The following INF2 variants were observed in gnomAD, a reference collection of about 807,000 sequenced individuals.
INF2 encodes the protein inverted formin-2.
A neutral mutation model predicts 123.5 loss-of-function variants in INF2; 43 were observed. The ratio of observed to expected loss-of-function variants is 0.35; its 90% confidence interval spans 0.27 to 0.45. The LOEUF is 0.45. Ranked by LOEUF, INF2 falls within the 20% of genes least tolerant of loss-of-function variation. The pLI is 1.00. For missense variants in INF2, 1,453 were observed against 1,682.7 expected (o/e 0.86, Z 2.39); for synonymous variants, 851 against 745.0 (o/e 1.14, Z -2.32).
chr14:104,706,126 G>C lies in INF2; in HGVS notation c.793G>C (p.Gly265Arg). 6.2e-7 allele frequency: 1 copy of C among 1,609,660 alleles called. No individual in the cohort carries two copies. Among genetic ancestry groups the C allele is most frequent in the Non-Finnish European group, 8.5e-7 (1 of 1,178,596 alleles). The change falls in exon 6 of 23, where the codon GGG becomes CGG. Residue 265 changes from glycine (G) to arginine (R), a missense_variant. Gly to Arg is a moderately radical substitution (Grantham distance 125, BLOSUM62 -2). Coordinates refer to ENST00000392634, the MANE Select transcript of INF2 (RefSeq NM_022489.4). ...GGAGGAGCTGCTGCGAGTCTCTGGC[G>C]GGGTCGACATGAGCAGCCACCAGGA... The part of the protein sequence containing the change: ...DEEELLRVSG[G>R]VDMSSHQEVF...
chr14:104,709,718 G>T lies in INF2; in HGVS notation c.2138+13G>T, dbSNP rs758122662. 1.2e-6 allele frequency: 2 copies of T among 1,608,824 alleles called. No homozygotes were observed. Among genetic ancestry groups the T allele is most frequent in the Middle Eastern group, 1.7e-4 (1 of 6,052 alleles). ...TGGCCATTCCCTGGTGAGCATGGCC[G>T]CCCTCAGACCCCAGGGCCTGGGCCC... On this transcript the variant is annotated intron_variant, in intron 12 of 22. Coordinates refer to ENST00000392634, the MANE Select transcript of INF2 (RefSeq NM_022489.4).
Position 104,711,041 on chromosome 14 carries a change from G to A in INF2, c.2310+34G>A, listed in dbSNP as rs367918228. ...GGGGCAGCTCCCCATCCCACCTGGT[G>A]CCAGGGGCTGGTGAGACTCACTCCC... On this transcript the variant is annotated intron_variant, in intron 14 of 22. Coordinates refer to ENST00000392634, the MANE Select transcript of INF2 (RefSeq NM_022489.4). 128 of 1,609,602 alleles carry A rather than the reference G, an allele frequency of 8.0e-5. No individual in the cohort carries two copies. In the African/African-American group the frequency reaches 1.6e-3, roughly 20 times the overall value.
chr14:104,698,631 T>C (rs1031697378), intron 1 of INF2, among the ~76,000 whole-genome samples: 8 of 152,210 alleles, frequency 5.3e-5, no homozygotes, highest in Admixed American at 4.6e-4. Flanking sequence ...AGTGGCCAGA[T>C]TGCGGGTCAG....
chr14:104,708,671 A>G lies in INF2; in HGVS notation c.1888A>G (p.Ile630Val), dbSNP rs1007799807. ...GCCTGTTGGGTGGGGGGTTTTCTAG[A>G]TCACTTTCCTCGATGCCAAGAAGAG... is the stretch of plus-strand genomic sequence containing the variant. Reference protein sequence around the residue: ...APRARKEPKEITFLDAKKSLN... With the variant: ...APRARKEPKEVTFLDAKKSLN... Residue 630 changes from isoleucine (I) to valine (V), a missense_variant and splice_region_variant, in exon 10 of 23, where the codon ATC becomes GTC. Physicochemically the swap from Ile to Val is conservative, Grantham distance 29. Coordinates refer to ENST00000392634, the MANE Select transcript of INF2 (RefSeq NM_022489.4). 4.3e-6 allele frequency: 7 copies of G among 1,612,756 alleles called. No homozygotes were observed. The highest frequency in any genetic ancestry group is 5.9e-6 in the Non-Finnish European group (7 of 1,179,834).
At chr14:104,710,289 C>A in intron 13 of INF2, 101 bp downstream of exon 13, 1 of 807,082 alleles carries the variant, frequency 1.2e-6, no homozygotes, top group South Asian at 1.6e-5. Flanking sequence ...ATCATAATGG[C>A]TGCTAAGAGC....
upstream of INF2, among the ~76,000 whole-genome samples, chr14:104,687,374 G>A (rs994915364): frequency 3.9e-5 from 6 of 151,938 alleles, no homozygotes; most frequent in South Asian, 2.1e-4. The surrounding 1 kb of genome is among the most constrained non-coding windows in gnomAD (Gnocchi z 5.6). Context: ...CTGCTGCCCC[G>A]GGCATGGTGG....
chr14:104,692,802 TGGCCAAGGGCAAG>T (rs1225146619), intron 1 of INF2, among the ~76,000 whole-genome samples: 3 of 152,218 alleles, frequency 2.0e-5, no homozygotes, highest in Non-Finnish European at 2.9e-5. Flanking sequence ...GCCACGCCAA[TGGCCAAGGGCAAG>T]GGCCAAGGCT....
At chr14:104,700,677 G>A (rs984544024) in intron 1 of INF2, among the ~76,000 whole-genome samples, 4 of 152,102 alleles carry the variant, frequency 2.6e-5, no homozygotes, top group African/African-American at 9.7e-5. Flanking sequence ...GTGTTCCCAG[G>A]GCTGGAGTCA....
intron 15 of INF2, 51 bp from the exon 16 acceptor site, chr14:104,711,578 C>G: frequency 5.9e-6 from 9 of 1,532,314 alleles, no homozygotes; most frequent in Non-Finnish European, 6.3e-6. Flanking sequence ...GGGTCATCCC[C>G]AGGTGGAGAG....
At chr14:104,708,327 C>T in intron 8 of INF2, 109 bp from the exon 9 acceptor site, 3 of 1,393,404 alleles carry the variant, frequency 2.2e-6, no homozygotes, top group Non-Finnish European at 3.0e-6. Flanking sequence ...ACCTACTGGG[C>T]CCCAGGCAGG....
At chr14:104,713,141 G>T (rs1047767195) in intron 18 of INF2, 66 bp from the exon 19 acceptor site, 1 of 1,593,912 alleles carries the variant, frequency 6.3e-7, no homozygotes, top group Middle Eastern at 2.3e-4. Flanking sequence ...GGAGGGGGAC[G>T]CCCAGGCCCA....
upstream of INF2, chr14:104,689,238 AGAGAGAGGT>A (rs1219283348): frequency 1.0e-6 from 1 of 985,340 alleles, no homozygotes. Context: ...GGGCCGGGGC[AGAGAGAGGT>A]GAGCGGCGCC....
chr14:104,718,919 C>T lies in INF2; in HGVS notation c.*126C>T. On this transcript the variant is annotated 3_prime_UTR_variant, in exon 23 of 23. Transcript: ENST00000392634. ...GGCCCCGGAAACCAAAACTCCGTGC[C>T]TTACCCAGCCGGGGCCCTCCTGGAG... 6.6e-7 allele frequency: 1 copy of T among 1,509,506 alleles called. No homozygotes were observed. Among genetic ancestry groups the T allele is most frequent in the Non-Finnish European group, 8.8e-7 (1 of 1,136,586 alleles). The allele number at this position is 1,509,506 out of a possible 1,614,324, so 93.5% of individuals were successfully genotyped here.
At chr14:104,689,375 C>A, upstream of INF2, 1 of 632,230 alleles carries the variant, frequency 1.6e-6, no homozygotes, top group Non-Finnish European at 2.0e-6. Flanking sequence ...CGCGTCCCAC[C>A]CCCATCTCCG....
intron 1 of INF2, among the ~76,000 whole-genome samples, chr14:104,682,421 T>A (rs749148148): frequency 6.6e-6 from 1 of 152,124 alleles, no homozygotes; most frequent in Non-Finnish European, 1.5e-5. Context: ...AAGCCAAGAC[T>A]GGCAGATAAG....
chr14:104,698,334 C>G (rs112026537), intron 1 of INF2, among the ~76,000 whole-genome samples: 366 of 152,340 alleles, frequency 2.4e-3, no homozygotes, highest in African/African-American at 8.3e-3. Context: ...GTGGACACCA[C>G]CCCCCAGTGA....
At chr14:104,681,642 G>A in intron 1 of INF2, 1 of 1,255,336 alleles carries the variant, frequency 8.0e-7, no homozygotes, top group Non-Finnish European at 1.0e-6. Context: ...AGCAGACACG[G>A]GGGCGGAGAG....
intron 1 of INF2, among the ~76,000 whole-genome samples, chr14:104,683,851 G>A (rs965919839): frequency 2.0e-5 from 3 of 152,074 alleles, no homozygotes; most frequent in Non-Finnish European, 4.4e-5. Flanking sequence ...CCCCACCCCT[G>A]CCTCTTCTGA....
In INF2 at chr14:104,699,617, G is replaced by C. The variant is rs1375690238; in HGVS notation, c.-9-1740G>C. 3.1e-6 allele frequency: 3 copies of C among 981,684 alleles called. No individual in the cohort carries two copies. The African/African-American group carries it at 5.3e-5, about 17-fold the overall frequency. The allele number at this position is 981,684 out of a possible 1,614,324, so 60.8% of individuals were successfully genotyped here. A position where few individuals can be genotyped will look rare whatever the true frequency, so the allele number is the denominator to read the frequency against. ...CATCTGGGTGAGTGGACGGCCACTG[G>C]GTGACCAAGAGGGCCGGGCCTGGGA... On this transcript the variant is annotated intron_variant, in intron 1 of 22. Transcript: ENST00000392634. This position sits in a 1 kb window ranked among gnomAD's most constrained non-coding sequence, Gnocchi z 4.7.
Sources: allele counts gnomAD v4.1 joint callset (sites outside exome capture counted in the v4.1 genomes callset), GRCh38; gene constraint gnomAD v4.1.1; non-coding constraint Gnocchi (gnomAD v3.1); transcripts MANE v1.5; gene names NCBI Gene and HGNC (gene_info 2026-07-23, HGNC 2026-07-21).